FZD3: variants seen among roughly 807,000 people sequenced by gnomAD.
The protein encoded by FZD3 is frizzled class receptor 3.
Under a neutral mutation model 60.7 loss-of-function variants are expected in FZD3, and 30 were observed. The observed-to-expected ratio is 0.49, with a 90% CI of 0.37 to 0.67. FZD3 has a LOEUF of 0.67. Ranked by LOEUF, FZD3 falls within the 30% of genes least tolerant of loss-of-function variation. The pLI is 0.00. For missense variants in FZD3, 605 were observed against 838.7 expected, an observed-to-expected ratio of 0.72 and a Z score of 3.44; for synonymous variants, 246 against 275.2, an observed-to-expected ratio of 0.89 and a Z score of 1.05.
rs75812593 is a variant in FZD3, at chr8:28,525,055, C to T, written c.387-2092C>T. Among the ~76,000 whole-genome samples, 719 of 152,274 alleles carry T rather than the reference C, an allele frequency of 4.7e-3. 26 individuals are homozygous for T. In the East Asian group the frequency reaches 0.091, roughly 19 times the overall value. On this transcript the variant is annotated intron_variant, in intron 4 of 7. Transcript: ENST00000240093. ...TTTAATTTTGGCACATCTGGTATCC[C>T]TGCCCCCATTTTTGCCCCGCTCAAG...
chr8:28,511,032 G>A (rs372235080), intron 3 of FZD3, among the ~76,000 whole-genome samples: 199 of 151,796 alleles, frequency 1.3e-3, no homozygotes, highest in Non-Finnish European at 2.2e-3. Flanking sequence ...GTGAGACTCC[G>A]TCTCAAAAAT....
intron 5 of FZD3, among the ~76,000 whole-genome samples, chr8:28,540,742 T>A (rs931381022): frequency 2.6e-5 from 4 of 152,084 alleles, no homozygotes; most frequent in African/African-American, 9.7e-5. Context: ...GTCAGGAGTT[T>A]GAGACCAGTC....
intron 3 of FZD3, among the ~76,000 whole-genome samples, chr8:28,515,882 C>G (rs140184206): frequency 1.1e-4 from 16 of 152,296 alleles, no homozygotes; most frequent in African/African-American, 3.9e-4. Flanking sequence ...TAGTGTCCTT[C>G]CATATACAAA....
At chr8:28,535,073 A>C (rs1804974588) in intron 5 of FZD3, among the ~76,000 whole-genome samples, 1 of 152,224 alleles carries the variant, frequency 6.6e-6, no homozygotes, top group African/African-American at 2.4e-5. Flanking sequence ...ATCTGAAAAA[A>C]TTAGTTCCTG....
chr8:28,512,944 T>C (rs1804327725), intron 3 of FZD3, among the ~76,000 whole-genome samples: 1 of 152,194 alleles, frequency 6.6e-6, no homozygotes, highest in Non-Finnish European at 1.5e-5. Context: ...ATTTATAGAA[T>C]TCATGGTGTT....
At chr8:28,543,278 T>C (rs1438576479) in intron 5 of FZD3, among the ~76,000 whole-genome samples, 1 of 152,226 alleles carries the variant, frequency 6.6e-6, no homozygotes, top group African/African-American at 2.4e-5. Flanking sequence ...TTATTTTTCT[T>C]CAGTTAGTCC....
intron 5 of FZD3, among the ~76,000 whole-genome samples, chr8:28,533,996 C>T (rs1804945968): frequency 6.6e-6 from 1 of 152,166 alleles, no homozygotes; most frequent in Non-Finnish European, 1.5e-5. Context: ...TTTGTATAGA[C>T]TTCATTGTGG....
rs189491354 is a variant in FZD3 at position 28,564,809 on chromosome 8, C to A, written c.*1798C>A. 6.6e-6 allele frequency: 1 copy of A among 152,174 alleles called. No individual in the cohort carries two copies. Among genetic ancestry groups the A allele is most frequent in the African/African-American group, 2.4e-5 (1 of 41,444 alleles). 9.4% of individuals were successfully genotyped at this position (152,174 alleles called of 1,614,324 possible). A position where few individuals can be genotyped will look rare whatever the true frequency, so the allele number is the denominator to read the frequency against. ...TGCCTTATGCTATTATAGTTTATGA[C>A]CTTTAACAATTTAACTCTCCGAGCC... On this transcript the variant is annotated 3_prime_UTR_variant, in exon 8 of 8. Transcript: ENST00000240093.
rs1304607573 is a variant in FZD3 at position 28,573,340 on chromosome 8, G to GT, written c.*10330dup. On this transcript the variant is annotated 3_prime_UTR_variant, in exon 8 of 8. Transcript: ENST00000240093. ...TTGCTGTTAGCTCAAATTAATGTCA[G>GT]TGAGTAGAATCTTAAGCTTTAAAAC... is the stretch of plus-strand genomic sequence containing the variant. 3.9e-5 allele frequency: 6 copies of GT among 152,148 alleles called. No individual in the cohort carries two copies. The East Asian group carries it at 1.2e-3, about 29-fold the overall frequency. The allele number at this position is 152,148 out of a possible 1,614,324, so 9.4% of individuals were successfully genotyped here. A position where few individuals can be genotyped will look rare whatever the true frequency, so the allele number is the denominator to read the frequency against.
intron 5 of FZD3, among the ~76,000 whole-genome samples, chr8:28,537,542 C>T (rs1381134088): frequency 2.6e-5 from 2 of 75,536 alleles, no homozygotes; most frequent in African/African-American, 8.1e-5. Context: ...AACTACTCAG[C>T]TTTGCTGCTA....
At chr8:28,535,114 A>G (rs1327013861) in intron 5 of FZD3, among the ~76,000 whole-genome samples, 1 of 152,222 alleles carries the variant, frequency 6.6e-6, no homozygotes, top group Non-Finnish European at 1.5e-5. Context: ...CAAAATACCA[A>G]TTGGGTTTAG....
At chr8:28,525,734 TCTTTAAAGGATTAC>T (rs1333648175) in intron 4 of FZD3, among the ~76,000 whole-genome samples, 1 of 152,110 alleles carries the variant, frequency 6.6e-6, no homozygotes, top group East Asian at 1.9e-4. Flanking sequence ...GAGCAGCATA[TCTTTAAAGGATTAC>T]CTTGGCTGCT....
intron 5 of FZD3, among the ~76,000 whole-genome samples, chr8:28,529,814 T>A (rs1176633929): frequency 6.6e-6 from 1 of 152,274 alleles, no homozygotes; most frequent in Admixed American, 6.5e-5. Flanking sequence ...ACTCTTATTA[T>A]GAGTTTTCAG....
intron 3 of FZD3, among the ~76,000 whole-genome samples, chr8:28,504,700 A>G (rs984065864): frequency 2.0e-5 from 3 of 152,242 alleles, no homozygotes; most frequent in African/African-American, 7.2e-5. Flanking sequence ...AGCACAATGC[A>G]TCATACGCAA....
At chr8:28,537,573 A>C (rs1459231297) in intron 5 of FZD3, among the ~76,000 whole-genome samples, 2 of 152,200 alleles carry the variant, frequency 1.3e-5, no homozygotes, top group Non-Finnish European at 2.9e-5. Context: ...GCAGCCATAG[A>C]CAGTAAGTCA....
At chr8:28,551,429 T>C (rs1454657658) in intron 5 of FZD3, among the ~76,000 whole-genome samples, 174 bp from the exon 6 acceptor site, 1 of 152,066 alleles carries the variant, frequency 6.6e-6, no homozygotes, top group Non-Finnish European at 1.5e-5. Flanking sequence ...GGCAGGAGAA[T>C]TGCTTGAACC....
chr8:28,556,113 T>C (rs915849529), intron 7 of FZD3, 142 bp downstream of exon 7: 6 of 630,784 alleles, frequency 9.5e-6, no homozygotes, highest in East Asian at 8.2e-5. Context: ...TCCCAGACTA[T>C]GGTCAGACTT....
At chr8:28,505,579 T>TG (rs1804116741) in intron 3 of FZD3, among the ~76,000 whole-genome samples, 1 of 152,140 alleles carries the variant, frequency 6.6e-6, no homozygotes, top group African/African-American at 2.4e-5. Flanking sequence ...CTCGAACTCC[T>TG]GGGCTGAAGC....
chr8:28,569,672 G>A lies in FZD3; in HGVS notation c.*6661G>A, dbSNP rs947137749. 1.3e-5 allele frequency: 2 copies of A among 151,912 alleles called. No individual in the cohort carries two copies. Among genetic ancestry groups the A allele is most frequent in the Non-Finnish European group, 2.9e-5 (2 of 67,994 alleles). 9.4% of individuals were successfully genotyped at this position (151,912 alleles called of 1,614,324 possible). Reference sequence around the variant, plus strand: ...ACTGTTTTTCCATTAGTGATTTTAAGTAATTTTAAAGAAGGAAAATTATAT... The same window carrying A: ...ACTGTTTTTCCATTAGTGATTTTAAATAATTTTAAAGAAGGAAAATTATAT... On this transcript the variant is annotated 3_prime_UTR_variant, in exon 8 of 8. Transcript: ENST00000240093.
Sources: gnomAD v4.1 joint callset for allele counts (sites outside exome capture counted in the v4.1 genomes callset) on GRCh38, gnomAD v4.1.1 for gene constraint, MANE v1.5 for transcripts, NCBI Gene and HGNC (gene_info 2026-07-23, HGNC 2026-07-21) for gene names.